QTMAN: variants seen among roughly 807,000 people sequenced by gnomAD.
QTMAN encodes the protein queuosine-tRNA mannosyltransferase.
the QTMAN span, among the ~76,000 whole-genome samples, chr2:144,176,456 C>G: frequency 6.6e-6 from 1 of 151,966 alleles, no homozygotes; most frequent in African/African-American, 2.4e-5. Flanking sequence ...AGTCTATCAC[C>G]ACTATAATTC....
At chr2:144,206,836 T>A in the QTMAN span, among the ~76,000 whole-genome samples, 1 of 152,306 alleles carries the variant, frequency 6.6e-6, no homozygotes, top group South Asian at 2.1e-4. Flanking sequence ...AAAAACTGCA[T>A]AATCAAAATG....
the QTMAN span, among the ~76,000 whole-genome samples, chr2:144,082,888 A>ATG: frequency 1.3e-5 from 2 of 151,966 alleles, no homozygotes; most frequent in African/African-American, 4.8e-5. Context: ...TAAAATACAC[A>ATG]CGCACACACA....
chr2:144,268,868 C>A, the QTMAN span, among the ~76,000 whole-genome samples: 1 of 152,196 alleles, frequency 6.6e-6, no homozygotes. Context: ...CGGCTCACTG[C>A]AACCTCCACC....
At chr2:144,262,615 T>C in the QTMAN span, among the ~76,000 whole-genome samples, 772 of 23,068 alleles carry the variant, frequency 0.033, 33 homozygotes, top group African/African-American at 0.13. Flanking sequence ...GGAGGGGAGA[T>C]AGGAGAGGAA....
At chr2:144,041,576 AT>A in the QTMAN span, among the ~76,000 whole-genome samples, 1 of 152,256 alleles carries the variant, frequency 6.6e-6, no homozygotes, top group Non-Finnish European at 1.5e-5. Context: ...CACCACATCT[AT>A]TCTTACTATT....
the QTMAN span, among the ~76,000 whole-genome samples, chr2:144,247,677 T>C: frequency 6.6e-6 from 1 of 152,130 alleles, no homozygotes; most frequent in East Asian, 1.9e-4. Flanking sequence ...CCACAGTATT[T>C]TCCTTTCTTT....
At chr2:144,171,751 C>T in the QTMAN span, among the ~76,000 whole-genome samples, 2 of 152,026 alleles carry the variant, frequency 1.3e-5, no homozygotes, top group Non-Finnish European at 2.9e-5. Context: ...AAGGTAGCAC[C>T]AAACTGATCC....
chr2:144,267,114 G>A, the QTMAN span, among the ~76,000 whole-genome samples: 20 of 152,212 alleles, frequency 1.3e-4, no homozygotes, highest in African/African-American at 4.6e-4. Flanking sequence ...ATTCTAAGAT[G>A]AAAGTGCAGG....
At chr2:144,105,993 T>C in the QTMAN span, among the ~76,000 whole-genome samples, 1 of 152,140 alleles carries the variant, frequency 6.6e-6, no homozygotes, top group African/African-American at 2.4e-5. Flanking sequence ...GAATTTCATA[T>C]CCAGCCAAAC....
At chr2:144,068,065 T>C in the QTMAN span, among the ~76,000 whole-genome samples, 2 of 152,218 alleles carry the variant, frequency 1.3e-5, no homozygotes, top group African/African-American at 2.4e-5. Flanking sequence ...TCCCTTAAGA[T>C]GATTCTCTTT....
At chr2:144,202,340 C>G in the QTMAN span, among the ~76,000 whole-genome samples, 1 of 152,142 alleles carries the variant, frequency 6.6e-6, no homozygotes, top group African/African-American at 2.4e-5. Flanking sequence ...TTAATAAAAG[C>G]AGAAAATCTT....
chr2:144,260,150 C>T, the QTMAN span, among the ~76,000 whole-genome samples: 110 of 152,084 alleles, frequency 7.2e-4, no homozygotes, highest in Admixed American at 1.4e-3. Context: ...AGTGAAAACA[C>T]TTAATGCGAA....
chr2:144,223,358 T>C, the QTMAN span, among the ~76,000 whole-genome samples: 1 of 152,160 alleles, frequency 6.6e-6, no homozygotes, highest in Non-Finnish European at 1.5e-5. Flanking sequence ...ACTATGCTTA[T>C]CGACATATAA....
the QTMAN span, among the ~76,000 whole-genome samples, chr2:143,978,706 T>G: frequency 6.6e-6 from 1 of 152,196 alleles, no homozygotes. Flanking sequence ...TGTAATTACT[T>G]CCTCTCAGAC....
chr2:144,086,653 T>A, the QTMAN span, among the ~76,000 whole-genome samples: 1 of 152,200 alleles, frequency 6.6e-6, no homozygotes, highest in Non-Finnish European at 1.5e-5. Context: ...TCCAAACTAC[T>A]ACGAGGCTCA....
chr2:144,008,211 C>T, the QTMAN span, among the ~76,000 whole-genome samples: 451 of 152,090 alleles, frequency 3.0e-3, no homozygotes, highest in Non-Finnish European at 4.6e-3. Flanking sequence ...CCTCAAGGAG[C>T]TCACCGTCTA....
chr2:143,995,893 T>C, the QTMAN span, among the ~76,000 whole-genome samples: 1 of 152,132 alleles, frequency 6.6e-6, no homozygotes, highest in Admixed American at 6.5e-5. Flanking sequence ...TATGTCCAAA[T>C]GCAAACTTTA....
chr2:144,114,206 ATGAC>A, the QTMAN span, among the ~76,000 whole-genome samples: 1 of 152,254 alleles, frequency 6.6e-6, no homozygotes, highest in Non-Finnish European at 1.5e-5. Flanking sequence ...TGATTGATAA[ATGAC>A]TGTGCCAAAA....
the QTMAN span, among the ~76,000 whole-genome samples, chr2:144,028,038 A>G: frequency 6.6e-6 from 1 of 152,182 alleles, no homozygotes; most frequent in Non-Finnish European, 1.5e-5. Flanking sequence ...TGTTTACCTC[A>G]TATTATTAAA....
Sources: allele counts gnomAD v4.1 joint callset (sites outside exome capture counted in the v4.1 genomes callset), GRCh38; gene constraint gnomAD v4.1.1; transcripts MANE v1.5; gene names NCBI Gene and HGNC (gene_info 2026-07-23, HGNC 2026-07-21).